The following SPEF1 variants were observed in gnomAD, a reference collection of about 807,000 sequenced individuals.
The protein encoded by SPEF1 is sperm flagellar and cilia associated 1.
SPEF1 carries 30 observed loss-of-function variants against 31.8 expected under a neutral mutation model. That is an observed-to-expected ratio of 0.94 (90% CI 0.70 to 1.28). SPEF1 has a LOEUF of 1.28. Ranked by LOEUF, SPEF1 falls within the 50% of genes most tolerant of loss-of-function variation. The pLI, the probability that SPEF1 is intolerant of heterozygous loss-of-function variation, is 0.00. For missense variants in SPEF1, 298 were observed against 309.6 expected, an observed-to-expected ratio of 0.96 and a Z score of 0.28; for synonymous variants, 126 against 130.1, an observed-to-expected ratio of 0.97 and a Z score of 0.21.
At position 3,781,435 on chromosome 20, in the gene SPEF1, C is replaced by G. The variant is rs541370456; in HGVS notation, c.-148G>C. ...AGACTCACGTCCCAGCTGGGAGCGG[C>G]CATATTGTTTTCTGAAACCATGGAA... is the stretch of plus-strand genomic sequence containing the variant. On this transcript the variant is annotated 5_prime_UTR_variant, in exon 1 of 7. Coordinates refer to ENST00000379756, the MANE Select transcript of SPEF1 (RefSeq NM_015417.5). 7.9e-7 allele frequency: 1 copy of G among 1,271,784 alleles called. No homozygotes were observed. The highest frequency in any genetic ancestry group is 1.5e-5 in the South Asian group (1 of 64,800). 78.8% of individuals were successfully genotyped at this position (1,271,784 alleles called of 1,614,324 possible).
chr20:3,778,183 G>T lies in SPEF1; in HGVS notation c.*29C>A, dbSNP rs1414813949. The T allele has an allele frequency of 8.8e-6, 13 of 1,471,334 alleles. No individual in the cohort carries two copies. The highest frequency in any genetic ancestry group is 2.3e-5 in the Admixed American group (1 of 44,218). 91.1% of individuals were successfully genotyped at this position (1,471,334 alleles called of 1,614,324 possible). Reference sequence around the variant, plus strand: ...GGCGTCGGGGCTCTGGCGGGTACCCGGGCGTCCCCGCGCGGCCCGGGCCGC... The same window carrying T: ...GGCGTCGGGGCTCTGGCGGGTACCCTGGCGTCCCCGCGCGGCCCGGGCCGC... On this transcript the variant is annotated 3_prime_UTR_variant, in exon 7 of 7. Transcript: ENST00000379756.
In SPEF1 at chr20:3,777,916, G is replaced by A; in HGVS notation, c.*296C>T. Reference sequence around the variant, plus strand: ...CCCAAGGTGTTGGACACTGCTTTGGGGGACAGGCTAGGTCTCTGCACGTGG... The same window carrying A: ...CCCAAGGTGTTGGACACTGCTTTGGAGGACAGGCTAGGTCTCTGCACGTGG... On this transcript the variant is annotated 3_prime_UTR_variant, in exon 7 of 7. Coordinates refer to ENST00000379756, the MANE Select transcript of SPEF1 (RefSeq NM_015417.5). This position sits in a 1 kb window ranked among gnomAD's most constrained non-coding sequence, Gnocchi z 4.1. 1 of 341,708 alleles carries A rather than the reference G, an allele frequency of 2.9e-6. No individual in the cohort carries two copies. The highest frequency in any genetic ancestry group is 5.3e-5 in the South Asian group (1 of 18,800). The allele number at this position is 341,708 out of a possible 1,614,324, so 21.2% of individuals were successfully genotyped here. A position where few individuals can be genotyped will look rare whatever the true frequency, so the allele number is the denominator to read the frequency against.
Position 3,778,244 on chromosome 20 carries a change from G to C in SPEF1, c.679C>G (p.Arg227Gly). Residue 227 changes from arginine (R) to glycine (G), a missense_variant, in exon 7 of 7, where the codon CGG becomes GGG. Coordinates refer to ENST00000379756, the MANE Select transcript of SPEF1 (RefSeq NM_015417.5). The stretch of plus-strand genomic sequence containing the variant: ...TGCTTACGCTCCGCCTGCTGGAGCC[G>C]CCGGGAGAGGTCTTCGATCCGCACA... ...KNVRIEDLSR[R>G]LQQAERKQR 1 of 1,606,250 alleles carries C rather than the reference G, an allele frequency of 6.2e-7. No individual in the cohort carries two copies. The highest frequency in any genetic ancestry group is 2.2e-5 in the East Asian group (1 of 44,472).
rs184786705 is a variant in SPEF1 at position 3,781,401 on chromosome 20, C to G, written c.-114G>C. The stretch of plus-strand genomic sequence containing the variant: ...GAAGCCCATAACTGCCTCTGCCTGC[C>G]TAATCCAGAGACTCACGTCCCAGCT... On this transcript the variant is annotated 5_prime_UTR_variant, in exon 1 of 7. Transcript: ENST00000379756. The G allele has an allele frequency of 6.2e-5, 89 of 1,439,868 alleles. No homozygotes were observed. The African/African-American group carries it at 1.2e-3, about 19-fold the overall frequency. 89.2% of individuals were successfully genotyped at this position (1,439,868 alleles called of 1,614,324 possible).
rs370241124 is a variant in SPEF1 at position 3,778,460 on chromosome 20, T to C, written c.564A>G (p.Glu188=). The change falls in exon 6 of 7, where the codon GAA becomes GAG. Residue 188 remains glutamate (E), a synonymous_variant. Transcript: ENST00000379756. ...GAGAGGCCAACAGCTCCTGCTCCTT[T>C]TCAGCGATCTGGAGGACGAAGCTGG... ...GDPSFVLQIA[E]KEQELLASQE... 24 of 1,613,820 alleles carry C rather than the reference T, an allele frequency of 1.5e-5. No individual in the cohort carries two copies. The African/African-American group carries it at 3.1e-4, about 21-fold the overall frequency.
chr20:3,778,526 C>G lies in SPEF1; in HGVS notation c.498G>C (p.Ala166=). Residue 166 remains alanine, a synonymous_variant, in exon 6 of 7, where the codon GCG becomes GCC. Transcript: ENST00000379756. The stretch of plus-strand genomic sequence containing the variant: ...CCCGGTTATACGCTGGAGGCCGAGG[C>G]GCCGGCGGCCGGTCCCAGCTGGGGT... ...GGQLSWDRPP[A]PRPPAYNRAL... The G allele has an allele frequency of 6.2e-7, 1 of 1,608,176 alleles. No individual in the cohort carries two copies.
Position 3,778,035 on chromosome 20 carries a change from T to C in SPEF1, c.*177A>G. On this transcript the variant is annotated 3_prime_UTR_variant, in exon 7 of 7. Transcript: ENST00000379756. ...CCCGGGCCTGCGCTCCTAGAGTTCC[T>C]GTCCCATCTCCTCCCACGCTCACCC... is the stretch of plus-strand genomic sequence containing the variant. The C allele has an allele frequency of 3.5e-6, 2 of 577,188 alleles. No individual in the cohort carries two copies. The highest frequency in any genetic ancestry group is 4.2e-5 in the South Asian group (2 of 47,390). 35.8% of individuals were successfully genotyped at this position (577,188 alleles called of 1,614,324 possible). A position where few individuals can be genotyped will look rare whatever the true frequency, so the allele number is the denominator to read the frequency against.
In SPEF1 at chr20:3,779,734, C is replaced by G. The variant is rs532482655; in HGVS notation, c.151G>C (p.Val51Leu). 1.2e-6 allele frequency: 2 copies of G among 1,613,140 alleles called. No homozygotes were observed. The highest frequency in any genetic ancestry group is 2.2e-5 in the South Asian group (2 of 91,048). Residue 51 changes from valine (V) to leucine (L), a missense_variant, in exon 2 of 7, where the codon GTG (valine) becomes CTG (leucine). Coordinates refer to ENST00000379756, the MANE Select transcript of SPEF1 (RefSeq NM_015417.5). ...EVIKFYFPKM[V>L]EMHNYVPANS... ...GCGGGGACATAATTGTGCATCTCCACCATCTTGGGGAAGTAAAACTTGATG... is the reference window on the plus strand; with the variant it reads ...GCGGGGACATAATTGTGCATCTCCAGCATCTTGGGGAAGTAAAACTTGATG...
rs1451407439 is a variant in SPEF1, at chr20:3,778,263, C to G, written c.660G>C (p.Arg220=). The G allele has an allele frequency of 6.2e-7, 1 of 1,611,598 alleles. No homozygotes were observed. The highest frequency in any genetic ancestry group is 1.3e-5 in the African/African-American group (1 of 74,990). Residue 220 remains arginine, a synonymous_variant, in exon 7 of 7, where the codon CGG becomes CGC. Transcript: ENST00000379756. ...LEHLLQLKNV[R]IEDLSRRLQQ... ...GGAGCCGCCGGGAGAGGTCTTCGAT[C>G]CGCACATTCTTGAGCTGGAGCAGGT...
In SPEF1 at chr20:3,779,677, C is replaced by G; in HGVS notation, c.208G>C (p.Gly70Arg). ...GTATTCTGCTACCTGTTCAGATGAC[C>G]CCAGTTGCTGAGCTTCTGCTGGAGA... is the stretch of plus-strand genomic sequence containing the variant. ...NSLQQKLSNW[G>R]HLNRKVLKRL... is the part of the protein sequence containing the mutation. The change falls in exon 2 of 7, where the codon GGT becomes CGT. Residue 70 changes from glycine (G) to arginine (R), a missense_variant. Coordinates refer to ENST00000379756, the MANE Select transcript of SPEF1 (RefSeq NM_015417.5). 6.2e-7 allele frequency: 1 copy of G among 1,611,618 alleles called. No homozygotes were observed. The highest frequency in any genetic ancestry group is 8.5e-7 in the Non-Finnish European group (1 of 1,177,858).
chr20:3,780,416 GCACACACACACACA>G (rs55996387), intron 1 of SPEF1, among the ~76,000 whole-genome samples: 1 of 137,824 alleles, frequency 7.3e-6, no homozygotes, highest in African/African-American at 2.8e-5. Flanking sequence ...GATGCATGAT[GCACACACACACACA>G]CACACACACA....
At chr20:3,779,630 AGGAGATGATG>A in intron 2 of SPEF1, 24 bp downstream of exon 2, 1 of 1,452,960 alleles carries the variant, frequency 6.9e-7, no homozygotes, top group Non-Finnish European at 9.7e-7. Context: ...CCAAGACCAT[AGGAGATGATG>A]GGGCTGCACA....
At position 3,778,563 on chromosome 20, in the gene SPEF1, T is replaced by A. The variant is rs2088760186; in HGVS notation, c.480-19A>T. The A allele has an allele frequency of 6.3e-7, 1 of 1,596,462 alleles. No individual in the cohort carries two copies. On this transcript the variant is annotated intron_variant, in intron 5 of 6. Coordinates refer to ENST00000379756, the MANE Select transcript of SPEF1 (RefSeq NM_015417.5). ...GTCCCAGCTGGGGTGGGAAGCAGCT[T>A]AGCGGAGGCTTGGACCTCGGGCCCT... is the stretch of plus-strand genomic sequence containing the variant.
Position 3,778,955 on chromosome 20 carries a change from A to G in SPEF1, c.414T>C (p.Asp138=), listed in dbSNP as rs527945653. ...AAATGGAAAAGGCCACCTTACCCAC[A>G]TCCATGTAGCCACTGCCATCCTGGG... ...LAPQDGSGYM[D]VGVSQKARGE... Residue 138 remains aspartate (D), a synonymous_variant, in exon 4 of 7, where the codon GAT becomes GAC. Transcript: ENST00000379756. 1.9e-6 allele frequency: 3 copies of G among 1,614,124 alleles called. No homozygotes were observed. In the African/African-American group the frequency reaches 4.0e-5, roughly 22 times the overall value.
Position 3,779,365 on chromosome 20 carries a change from C to G in SPEF1, c.222-13G>C, listed in dbSNP as rs1255414070. 15 of 1,583,794 alleles carry G rather than the reference C, an allele frequency of 9.5e-6. No homozygotes were observed. Among genetic ancestry groups the G allele is most frequent in the Non-Finnish European group, 1.0e-5 (12 of 1,158,458 alleles). On this transcript the variant is annotated splice_polypyrimidine_tract_variant and intron_variant, in intron 2 of 6. Coordinates refer to ENST00000379756, the MANE Select transcript of SPEF1 (RefSeq NM_015417.5). The stretch of plus-strand genomic sequence containing the variant: ...CTTCAGTACCTTCCTGAGGGGTAGA[C>G]ATTGGGATAGCAGATTGGGTCCTGG...
At chr20:3,778,897 A>G in intron 4 of SPEF1, 54 bp downstream of exon 4, 1 of 1,612,768 alleles carries the variant, frequency 6.2e-7, no homozygotes, top group South Asian at 1.1e-5. Flanking sequence ...TGACAGGAAG[A>G]AGGACAGAAG....
chr20:3,779,145 GC>G, intron 3 of SPEF1, 50 bp downstream of exon 3: 2 of 1,541,868 alleles, frequency 1.3e-6, no homozygotes, highest in Non-Finnish European at 1.8e-6. Context: ...TCTGGGGAGC[GC>G]CCCCCACCCA....
Position 3,779,698 on chromosome 20 carries a change from GGA to G in SPEF1, c.185_186del (p.Leu62ProfsTer25), listed in dbSNP as rs1600362235. ...EMHNYVPANS[L>X]QQKLSNWGHL... is the part of the protein sequence containing the mutation. ...TGACCCCAGTTGCTGAGCTTCTGCTGGAGAGAGTTGGCGGGGACATAATTGTG... is the reference window on the plus strand; with the variant it reads ...TGACCCCAGTTGCTGAGCTTCTGCTGGAGAGTTGGCGGGGACATAATTGTG... On this transcript the variant is annotated frameshift_variant, in exon 2 of 7. Coordinates refer to ENST00000379756, the MANE Select transcript of SPEF1 (RefSeq NM_015417.5). LOFTEE classifies it high-confidence loss of function. The G allele has an allele frequency of 6.2e-7, 1 of 1,613,860 alleles. No individual in the cohort carries two copies. Among genetic ancestry groups the G allele is most frequent in the Non-Finnish European group, 8.5e-7 (1 of 1,179,808 alleles).
intron 1 of SPEF1, among the ~76,000 whole-genome samples, chr20:3,780,513 T>TC (rs1350793822): frequency 6.6e-6 from 1 of 150,482 alleles, no homozygotes; most frequent in Admixed American, 6.6e-5. Flanking sequence ...TGTGATAAGA[T>TC]CCCCCTACAC....
Sources: gnomAD v4.1 joint callset for allele counts (sites outside exome capture counted in the v4.1 genomes callset) on GRCh38, gnomAD v4.1.1 for gene constraint, Gnocchi (gnomAD v3.1) non-coding constraint, MANE v1.5 for transcripts, NCBI Gene and HGNC (gene_info 2026-07-23, HGNC 2026-07-21) for gene names.